The following NAV2 variants were observed in gnomAD, a reference collection of about 807,000 sequenced individuals.
The protein encoded by NAV2 is helicase, APC down-regulated 1.
A neutral mutation model predicts 223.2 loss-of-function variants in NAV2; 54 were observed. The observed-to-expected ratio is 0.24, with a 90% confidence interval of 0.19 to 0.30. NAV2 has a LOEUF of 0.30. NAV2 is among the 10% of genes least tolerant of loss of function. The pLI, the probability that NAV2 is intolerant of heterozygous loss-of-function variation, is 1.00. For synonymous variants in NAV2, 1,279 were observed against 1,239.3 expected, an observed-to-expected ratio of 1.03 and a Z score of -0.67; for missense variants, 2,806 against 3,147.5, an observed-to-expected ratio of 0.89 and a Z score of 2.60.
At chr11:19,609,608 C>CACTAAGTGCCTTGAAGACAGGAA (rs2046577923) in intron 1 of NAV2, among the ~76,000 whole-genome samples, 1 of 152,200 alleles carries the variant, frequency 6.6e-6, no homozygotes, top group South Asian at 2.1e-4. Context: ...TTCCTGGAGA[C>CACTAAGTGCCTTGAAGACAGGAA]ACTAAGTGCC....
intron 1 of NAV2, among the ~76,000 whole-genome samples, chr11:19,576,453 G>A (rs1386582181): frequency 6.6e-6 from 1 of 151,818 alleles, no homozygotes; most frequent in Non-Finnish European, 1.5e-5. Flanking sequence ...AGAGAATTTG[G>A]GGAGAAATAC....
At chr11:19,869,055 T>C in intron 4 of NAV2, 58 bp downstream of exon 4, 1 of 1,490,978 alleles carries the variant, frequency 6.7e-7, no homozygotes, top group South Asian at 1.1e-5. Context: ...GCCCACCTGT[T>C]ACTTATGAAT....
At chr11:19,868,707 G>A (rs950422784) in intron 3 of NAV2, among the ~76,000 whole-genome samples, 5 of 152,148 alleles carry the variant, frequency 3.3e-5, no homozygotes, top group African/African-American at 7.2e-5. Context: ...TATTTTTGGC[G>A]GCTGTGAGCA....
At chr11:19,697,841 G>T (rs1304498422) in intron 1 of NAV2, among the ~76,000 whole-genome samples, 8 of 152,334 alleles carry the variant, frequency 5.3e-5, no homozygotes, top group South Asian at 2.1e-4. Context: ...CGTGCTGAGT[G>T]GGGAGGAATG....
At chr11:20,086,335 G>A (rs190283304) in intron 26 of NAV2, among the ~76,000 whole-genome samples, 21 of 152,232 alleles carry the variant, frequency 1.4e-4, no homozygotes, top group Admixed American at 1.4e-3. Flanking sequence ...CCACCTCAAG[G>A]CCTGTGTCCT....
intron 1 of NAV2, among the ~76,000 whole-genome samples, chr11:19,528,888 C>T: frequency 7.1e-6 from 1 of 141,746 alleles, no homozygotes; most frequent in African/African-American, 2.6e-5. Context: ...TGAGATCATG[C>T]CACTGCACTC....
intron 1 of NAV2, among the ~76,000 whole-genome samples, chr11:19,657,062 A>C (rs886125456): frequency 7.9e-5 from 12 of 152,176 alleles, no homozygotes; most frequent in Non-Finnish European, 1.6e-4. Flanking sequence ...CTAGATGTCC[A>C]AGTGGTGCTG....
chr11:20,086,997 C>T (rs1215416593), intron 26 of NAV2, among the ~76,000 whole-genome samples: 1 of 152,100 alleles, frequency 6.6e-6, no homozygotes, highest in Non-Finnish European at 1.5e-5. Context: ...TGGAAGAGTT[C>T]TCCAAGGGGT....
intron 1 of NAV2, among the ~76,000 whole-genome samples, chr11:19,797,547 T>C (rs1210676474): frequency 6.6e-6 from 1 of 152,128 alleles, no homozygotes; most frequent in East Asian, 1.9e-4. Flanking sequence ...GCCTTGACCA[T>C]GATGTGGAAG....
At chr11:20,023,068 T>G (rs1401092096) in intron 11 of NAV2, 2 of 1,551,638 alleles carry the variant, frequency 1.3e-6, no homozygotes, top group Admixed American at 2.0e-5. Flanking sequence ...TCATTCAGCT[T>G]CTTTGTCCGC....
chr11:20,093,262 T>C, intron 29 of NAV2, 63 bp downstream of exon 29: 2 of 1,079,060 alleles, frequency 1.9e-6, no homozygotes, highest in Non-Finnish European at 2.9e-6. Flanking sequence ...CCTAGCTTAG[T>C]GATCTAATTG....
In NAV2 at chr11:20,093,161, A is replaced by G. The variant is rs2060981006; in HGVS notation, c.5878A>G (p.Ile1960Val). ...GAAGGAAGGAGGCAGGCATGTTAAG[A>G]TAGTTGTCAGCTTTCAGGAGGAAAT... ...ARKEGGRHVK[I>V]VVSFQEEMKW... is the part of the protein sequence containing the mutation. Residue 1960 changes from isoleucine to valine, a missense_variant, in exon 29 of 38, where the codon ATA (isoleucine) becomes GTA (valine). Ile to Val is a conservative substitution (Grantham distance 29). Around this residue, in one of 4 missense-constraint regions of NAV2, gnomAD observed 824 missense variants for 1,069.4 expected, o/e 0.77. Transcript: ENST00000349880. The G allele has an allele frequency of 6.2e-7, 1 of 1,614,074 alleles. No individual in the cohort carries two copies. Among genetic ancestry groups the G allele is most frequent in the Non-Finnish European group, 8.5e-7 (1 of 1,179,972 alleles).
At chr11:19,967,210 C>T (rs971499397) in intron 10 of NAV2, among the ~76,000 whole-genome samples, 4 of 152,104 alleles carry the variant, frequency 2.6e-5, no homozygotes, top group Admixed American at 6.5e-5. Flanking sequence ...TTGGTGCTGC[C>T]GCCTGTTGCA....
intron 1 of NAV2, among the ~76,000 whole-genome samples, chr11:19,743,087 C>G (rs781633530): frequency 6.6e-6 from 1 of 152,128 alleles, no homozygotes; most frequent in Non-Finnish European, 1.5e-5. Flanking sequence ...AGCCTTGGTT[C>G]AAATTCTACT....
At chr11:19,653,935 A>G (rs941411899) in intron 1 of NAV2, among the ~76,000 whole-genome samples, 8 of 152,192 alleles carry the variant, frequency 5.3e-5, no homozygotes, top group Non-Finnish European at 1.0e-4. Flanking sequence ...CTTAGGGGTG[A>G]CCAGGAAGTC....
chr11:20,092,426 C>T (rs1004134559), intron 28 of NAV2, 58 bp downstream of exon 28: 5 of 1,546,082 alleles, frequency 3.2e-6, no homozygotes, highest in Non-Finnish European at 3.5e-6. Flanking sequence ...ACCCTGATCT[C>T]TAAGCGAGAA....
At chr11:19,766,974 T>G (rs1035458763) in intron 1 of NAV2, among the ~76,000 whole-genome samples, 2 of 152,162 alleles carry the variant, frequency 1.3e-5, no homozygotes, top group African/African-American at 4.8e-5. Flanking sequence ...CCCTACACCC[T>G]TGAGTTTTGG....
chr11:19,471,033 T>A (rs2041948382), intron 1 of NAV2, among the ~76,000 whole-genome samples: 1 of 152,022 alleles, frequency 6.6e-6, no homozygotes, highest in Non-Finnish European at 1.5e-5. Flanking sequence ...ACCTCTAAAT[T>A]CTCTCTTTCT....
Position 19,392,296 on chromosome 11 carries a change from A to G in NAV2, c.75+41269A>G, listed in dbSNP as rs114530967. Among the ~76,000 whole-genome samples, 769 of 152,354 alleles carry G rather than the reference A, an allele frequency of 5.0e-3. 6 individuals carry two copies. The highest frequency in any genetic ancestry group is 0.018 in the African/African-American group (735 of 41,584). On this transcript the variant is annotated intron_variant, in intron 1 of 37. Coordinates refer to the NAV2 transcript ENST00000360655. ...GTTTATTTCAGGCATTTATTGCTAT[A>G]TAACAAACCACTCCAACACAATGAC...
Sources: gnomAD v4.1 joint callset for allele counts (sites outside exome capture counted in the v4.1 genomes callset) on GRCh38, gnomAD v4.1.1 for gene constraint, gnomAD v4.1.1 regional missense constraint, MANE v1.5 for transcripts, NCBI Gene and HGNC (gene_info 2026-07-23, HGNC 2026-07-21) for gene names.